Variants in CDC42BPA observed in about 807,000 individuals in gnomAD.
CDC42BPA encodes the protein CDC42 binding protein kinase alpha, also known as serine/threonine-protein kinase MRCK alpha.
CDC42BPA carries 80 observed loss-of-function variants against 223.5 expected under a neutral mutation model. That is an observed-to-expected ratio of 0.36 (90% CI 0.30 to 0.43). The LOEUF (loss-of-function observed/expected upper bound fraction) is 0.43, where lower values mean the gene tolerates loss of function less well. CDC42BPA is among the 20% of genes least tolerant of loss of function. The pLI is 1.00. For synonymous variants in CDC42BPA, 694 were observed against 718.6 expected, an observed-to-expected ratio of 0.97 and a Z score of 0.55; for missense variants, 1,743 against 2,099.9, an observed-to-expected ratio of 0.83 and a Z score of 3.32.
At chr1:227,247,984 T>C (rs371803300) in intron 2 of CDC42BPA, among the ~76,000 whole-genome samples, 5 of 152,024 alleles carry the variant, frequency 3.3e-5, no homozygotes, top group Non-Finnish European at 7.4e-5. Flanking sequence ...AGTCTCTTAA[T>C]AGCAGAACTG....
At position 227,248,616 on chromosome 1, in the gene CDC42BPA, A is replaced by G. The variant is rs181801154; in HGVS notation, c.270+5448T>C. Reference sequence around the variant, plus strand: ...AACACAAATGCTATGGTCAAATGGCATAAGAATAAAATGCTATTATTTATT... The same window carrying G: ...AACACAAATGCTATGGTCAAATGGCGTAAGAATAAAATGCTATTATTTATT... On this transcript the variant is annotated intron_variant, in intron 2 of 36. Coordinates refer to ENST00000366766, the MANE Select transcript of CDC42BPA (RefSeq NM_001394014.1). 3.5e-4 allele frequency among the ~76,000 whole-genome samples: 54 copies of G among 152,314 alleles called. No individual in the cohort carries two copies. In the East Asian group the frequency reaches 4.2e-3, roughly 12 times the overall value.
intron 2 of CDC42BPA, among the ~76,000 whole-genome samples, chr1:227,236,527 A>G (rs902243508): frequency 6.6e-5 from 8 of 121,958 alleles, no homozygotes; most frequent in African/African-American, 2.6e-4. Flanking sequence ...TTTGTAAGAC[A>G]TATGTTCCAT....
intron 27 of CDC42BPA, among the ~76,000 whole-genome samples, chr1:227,031,939 A>C (rs1343088533): frequency 6.6e-6 from 1 of 152,266 alleles, no homozygotes; most frequent in South Asian, 2.1e-4. Context: ...TTTATATATG[A>C]AAAAAATGGT....
intron 34 of CDC42BPA, among the ~76,000 whole-genome samples, chr1:227,012,939 T>TA (rs1171578438): frequency 6.6e-6 from 1 of 152,124 alleles, no homozygotes; most frequent in African/African-American, 2.4e-5. Flanking sequence ...AAATATTTGT[T>TA]AGATGATTAA....
intron 9 of CDC42BPA, among the ~76,000 whole-genome samples, chr1:227,140,671 C>T (rs563919645): frequency 6.6e-6 from 1 of 152,234 alleles, no homozygotes; most frequent in South Asian, 2.1e-4. Context: ...TATGAAGCCA[C>T]TGGAGTTGGG....
intron 10 of CDC42BPA, among the ~76,000 whole-genome samples, chr1:227,130,831 G>A (rs781447540): frequency 1.1e-4 from 17 of 151,754 alleles, no homozygotes; most frequent in Non-Finnish European, 1.8e-4. Flanking sequence ...CCCAGCCTGG[G>A]TGATAGATCG....
At chr1:227,086,096 T>G (rs1681833352) in intron 16 of CDC42BPA, among the ~76,000 whole-genome samples, 1 of 151,236 alleles carries the variant, frequency 6.6e-6, no homozygotes. Context: ...ATGCAGTCTT[T>G]TGTATTGGAC....
chr1:227,018,799 TGTTAAGTGTG>T (rs1310562075), intron 32 of CDC42BPA, among the ~76,000 whole-genome samples: 1 of 152,262 alleles, frequency 6.6e-6, no homozygotes, highest in East Asian at 1.9e-4. Flanking sequence ...TACTGTAGTC[TGTTAAGTGTG>T]CAACAGTACG....
Position 227,216,892 on chromosome 1 carries a change from A to C in CDC42BPA, c.271-3673T>G, listed in dbSNP as rs575734165. On this transcript the variant is annotated intron_variant, in intron 2 of 36. Coordinates refer to ENST00000366766, the MANE Select transcript of CDC42BPA (RefSeq NM_001394014.1). ...AACATGATGTTAGAAAACCTGTAAT[A>C]ATAATTCAAGAATTATTTCTGTAAA... Among the ~76,000 whole-genome samples the C allele has an allele frequency of 2.6e-5, 4 of 152,328 alleles. No homozygotes were observed. The South Asian group carries it at 8.3e-4, about 32-fold the overall frequency.
At chr1:227,132,824 C>T (rs1657494779) in intron 10 of CDC42BPA, among the ~76,000 whole-genome samples, 1 of 150,908 alleles carries the variant, frequency 6.6e-6, no homozygotes, top group South Asian at 2.1e-4. Flanking sequence ...CCGGCCGCAA[C>T]CCCGTCTGGG....
In CDC42BPA at chr1:227,143,038, A is replaced by G; in HGVS notation, c.1144-14T>C. 1 of 1,499,106 alleles carries G rather than the reference A, an allele frequency of 6.7e-7. No homozygotes were observed. Among genetic ancestry groups the G allele is most frequent in the African/African-American group, 1.5e-5 (1 of 68,014 alleles). The allele number at this position is 1,499,106 out of a possible 1,614,324, so 92.9% of individuals were successfully genotyped here. On this transcript the variant is annotated splice_polypyrimidine_tract_variant and intron_variant, in intron 8 of 36. Coordinates refer to ENST00000366766, the MANE Select transcript of CDC42BPA (RefSeq NM_001394014.1). Reference sequence around the variant, plus strand: ...GGGCATCGTTTCCTAAAGGAGGAAAAAACATCTGGTAAGAAATAGATAGCT... The same window carrying G: ...GGGCATCGTTTCCTAAAGGAGGAAAGAACATCTGGTAAGAAATAGATAGCT...
At chr1:227,143,843 AAC>A (rs1660162833) in intron 8 of CDC42BPA, among the ~76,000 whole-genome samples, 2 of 152,220 alleles carry the variant, frequency 1.3e-5, no homozygotes, top group South Asian at 4.1e-4. Context: ...AATATTAGCT[AAC>A]AGTGTTCAAG....
intron 2 of CDC42BPA, among the ~76,000 whole-genome samples, chr1:227,228,345 TGTATCA>T (rs765154466): frequency 2.0e-4 from 30 of 152,258 alleles, no homozygotes; most frequent in Non-Finnish European, 4.0e-4. Context: ...TATTGTAGCA[TGTATCA>T]GTACTTCTTC....
At chr1:227,111,507 G>C (rs1686915430) in intron 14 of CDC42BPA, among the ~76,000 whole-genome samples, 1 of 152,140 alleles carries the variant, frequency 6.6e-6, no homozygotes, top group African/African-American at 2.4e-5. Context: ...TTTTGTTTAA[G>C]ACGGAGTTTC....
chr1:227,031,377 G>A lies in CDC42BPA; in HGVS notation c.3696C>T (p.Asp1232=). 4 of 1,614,064 alleles carry A rather than the reference G, an allele frequency of 2.5e-6. No homozygotes were observed. The highest frequency in any genetic ancestry group is 3.4e-6 in the Non-Finnish European group (4 of 1,179,978). The change falls in exon 28 of 37, where the codon GAC becomes GAT. Residue 1232 remains aspartate, a synonymous_variant. Transcript: ENST00000366766. ...CCTCTTTGGGAACATAGACTGAGCG[G>A]TCTCTGAATTTGTTTTTCTTCAAAA... ...HKILKKNKFR[D]RSVYVPKEAY... is the part of the protein sequence containing the mutation.
At chr1:227,280,218 C>A (rs907111218) in intron 1 of CDC42BPA, among the ~76,000 whole-genome samples, 2 of 152,128 alleles carry the variant, frequency 1.3e-5, no homozygotes, top group East Asian at 3.9e-4. Flanking sequence ...TCAGAGTTCT[C>A]TGAAAGAAGA....
intron 1 of CDC42BPA, among the ~76,000 whole-genome samples, chr1:227,311,278 G>A (rs1465145027): frequency 1.3e-5 from 2 of 150,056 alleles, no homozygotes; most frequent in Non-Finnish European, 3.0e-5. Context: ...GGAGGATCCT[G>A]AGCCCAGGAG....
intron 17 of CDC42BPA, among the ~76,000 whole-genome samples, chr1:227,077,893 G>C (rs1679840710): frequency 6.6e-6 from 1 of 152,202 alleles, no homozygotes; most frequent in East Asian, 1.9e-4. Flanking sequence ...AAGTCCTATA[G>C]AGTTTTCTTT....
intron 1 of CDC42BPA, among the ~76,000 whole-genome samples, chr1:227,293,229 G>C: frequency 6.6e-6 from 1 of 152,056 alleles, no homozygotes; most frequent in Non-Finnish European, 1.5e-5. Context: ...TAGTAAGGAA[G>C]ATCAATAATA....
Sources: allele counts gnomAD v4.1 joint callset (sites outside exome capture counted in the v4.1 genomes callset), GRCh38; gene constraint gnomAD v4.1.1; transcripts MANE v1.5; gene names NCBI Gene and HGNC (gene_info 2026-07-23, HGNC 2026-07-21).